TBCK: variants seen among roughly 807,000 people sequenced by gnomAD.
The protein encoded by TBCK is TBC1 domain containing kinase, also known as TBC domain-containing protein kinase-like protein.
TBCK carries 99 observed loss-of-function variants against 113.4 expected under a neutral mutation model. That is an observed-to-expected ratio of 0.87 (90% CI 0.74 to 1.03). TBCK has a LOEUF of 1.03. Among genes scored for constraint, TBCK ranks in the 50% least tolerant of loss-of-function variants. The pLI, the probability that TBCK is intolerant of heterozygous loss-of-function variation, is 0.00. For synonymous variants in TBCK, 369 were observed against 370.8 expected (o/e 1.00, Z 0.05); for missense variants, 1,045 against 1,061.3 (o/e 0.98, Z 0.21).
chr4:106,059,378 T>C (rs77934361), intron 25 of TBCK, among the ~76,000 whole-genome samples: 30,857 of 151,698 alleles, frequency 0.2, 3,462 homozygotes, highest in South Asian at 0.26. Context: ...ATTTTTACAA[T>C]AGCATGTGCT....
intron 3 of TBCK, among the ~76,000 whole-genome samples, chr4:106,293,655 A>T (rs1425302189): frequency 6.6e-6 from 1 of 152,140 alleles, no homozygotes; most frequent in African/African-American, 2.4e-5. Context: ...CCAAAACCAA[A>T]TCATTTAAAG....
At chr4:106,111,270 T>C (rs564538796) in intron 24 of TBCK, among the ~76,000 whole-genome samples, 1 of 152,302 alleles carries the variant, frequency 6.6e-6, no homozygotes, top group South Asian at 2.1e-4. Flanking sequence ...TCCCCAAAAG[T>C]CTGGTAAATG....
At chr4:106,079,245 TCTC>T (rs1337527500) in intron 25 of TBCK, among the ~76,000 whole-genome samples, 1 of 152,110 alleles carries the variant, frequency 6.6e-6, no homozygotes, top group Non-Finnish European at 1.5e-5. Flanking sequence ...CTGGACACAT[TCTC>T]CTTGAAAACT....
chr4:106,240,806 T>C (rs942769982), intron 12 of TBCK, among the ~76,000 whole-genome samples: 3 of 152,026 alleles, frequency 2.0e-5, no homozygotes, highest in Non-Finnish European at 1.5e-5. Flanking sequence ...AAAAATATGA[T>C]GGATTGATGA....
intron 23 of TBCK, among the ~76,000 whole-genome samples, chr4:106,125,532 G>T (rs541634808): frequency 4.6e-5 from 7 of 151,992 alleles, no homozygotes; most frequent in Non-Finnish European, 1.0e-4. Context: ...TAAAATAAAA[G>T]AATGAAATCC....
intron 1 of TBCK, among the ~76,000 whole-genome samples, chr4:106,311,035 AT>A (rs1201125571): frequency 6.6e-6 from 1 of 152,150 alleles, no homozygotes; most frequent in Non-Finnish European, 1.5e-5. Flanking sequence ...ACCACAAAAA[AT>A]TTTTATCTAC....
Position 106,043,736 on chromosome 4 carries a change from A to AGTGTGT in TBCK, c.*2828_*2833dup, listed in dbSNP as rs56842619. ...GTTAATAAGTGTGTTTATGAATGTG[A>AGTGTGT]GTGTGTGTGTGTGTGTGTGTGTATG... On this transcript the variant is annotated 3_prime_UTR_variant, in exon 26 of 26. Transcript: ENST00000394708. 0.063 allele frequency: 9,373 copies of AGTGTGT among 149,104 alleles called. 325 individuals are homozygous for AGTGTGT. The highest frequency in any genetic ancestry group is 0.16 in the Middle Eastern group (45 of 288). The allele number at this position is 149,104 out of a possible 1,614,324, so 9.2% of individuals were successfully genotyped here. A position where few individuals can be genotyped will look rare whatever the true frequency, so the allele number is the denominator to read the frequency against.
At chr4:106,188,043 T>C (rs969883917) in intron 22 of TBCK, among the ~76,000 whole-genome samples, 2 of 152,164 alleles carry the variant, frequency 1.3e-5, no homozygotes, top group Non-Finnish European at 2.9e-5. Flanking sequence ...CTTTAATTTC[T>C]TTATCTTGCC....
At chr4:106,223,109 T>C (rs777642928) in intron 19 of TBCK, among the ~76,000 whole-genome samples, 3 of 152,116 alleles carry the variant, frequency 2.0e-5, no homozygotes, top group Non-Finnish European at 4.4e-5. Flanking sequence ...AGACTGTATA[T>C]ACTACAATCT....
At chr4:106,313,829 G>A (rs1768451380) in intron 1 of TBCK, among the ~76,000 whole-genome samples, 1 of 152,172 alleles carries the variant, frequency 6.6e-6, no homozygotes, top group Admixed American at 6.5e-5. Context: ...AAGCAGAAAG[G>A]CAATTAAGAA....
chr4:106,275,322 C>A (rs774831342), intron 3 of TBCK, among the ~76,000 whole-genome samples: 11 of 151,898 alleles, frequency 7.2e-5, no homozygotes, highest in African/African-American at 2.7e-4. Flanking sequence ...CAGCTAAGAC[C>A]GTATATAATG....
At chr4:106,208,908 G>A (rs544406141) in intron 20 of TBCK, among the ~76,000 whole-genome samples, 24 of 152,200 alleles carry the variant, frequency 1.6e-4, no homozygotes, top group South Asian at 2.1e-4. Context: ...TCCAGACGCC[G>A]GCTCCCAAGG....
chr4:106,051,891 G>A (rs1193546315), intron 25 of TBCK, among the ~76,000 whole-genome samples: 1 of 151,854 alleles, frequency 6.6e-6, no homozygotes, highest in East Asian at 1.9e-4. Context: ...TGCTCTCAAT[G>A]AGAAACATAA....
chr4:106,089,627 A>G (rs571314051), intron 25 of TBCK, among the ~76,000 whole-genome samples: 1 of 152,324 alleles, frequency 6.6e-6, no homozygotes, highest in East Asian at 1.9e-4. Context: ...AAAACAAGTT[A>G]TTTACTGCCA....
chr4:106,054,394 C>T (rs185396734), intron 25 of TBCK, among the ~76,000 whole-genome samples: 37 of 151,658 alleles, frequency 2.4e-4, no homozygotes, highest in African/African-American at 8.9e-4. Flanking sequence ...TGATATAACA[C>T]CCTTTGTTCC....
At chr4:106,193,901 A>G (rs573351144) in intron 21 of TBCK, 131 bp from the exon 22 acceptor site, 3 of 572,028 alleles carry the variant, frequency 5.2e-6, no homozygotes, top group Non-Finnish European at 5.8e-6. Flanking sequence ...ATACTACCAA[A>G]CTCTTTTTAT....
At position 106,314,888 on chromosome 4, in the gene TBCK, G is replaced by A. The variant is rs144730628; in HGVS notation, c.-30+1043C>T. Among the ~76,000 whole-genome samples, 758 of 152,056 alleles carry A rather than the reference G, an allele frequency of 5.0e-3. 4 individuals are homozygous for A. Among genetic ancestry groups the A allele is most frequent in the African/African-American group, 0.018 (729 of 41,468 alleles). On this transcript the variant is annotated intron_variant, in intron 1 of 25. Transcript: ENST00000394708. ...GATCCACCCGCCTCGACCTCCCAAAGTGCTAGGACTACAGGCGTGAGCCAC... is the reference window on the plus strand; with the variant it reads ...GATCCACCCGCCTCGACCTCCCAAAATGCTAGGACTACAGGCGTGAGCCAC...
At chr4:106,207,382 T>C (rs1755643629) in intron 20 of TBCK, among the ~76,000 whole-genome samples, 1 of 152,172 alleles carries the variant, frequency 6.6e-6, no homozygotes, top group Non-Finnish European at 1.5e-5. Flanking sequence ...AGTTCTTGAG[T>C]AGGAAACTCG....
chr4:106,171,115 C>G lies in TBCK; in HGVS notation c.2215G>C (p.Asp739His). The change falls in exon 23 of 26, where the codon GAT becomes CAT. Residue 739 changes from aspartate (D) to histidine (H), a missense_variant. Transcript: ENST00000394708. ...SAPYFSAECP[D>H]PPKTDLSRES... ...CATACCAGATCTGTCTTTGGAGGAT[C>G]TGGACACTCAGCAGAGAAATAAGGT... The G allele has an allele frequency of 6.2e-7, 1 of 1,609,822 alleles. No individual in the cohort carries two copies.
Sources: gnomAD v4.1 joint callset for allele counts (sites outside exome capture counted in the v4.1 genomes callset) on GRCh38, gnomAD v4.1.1 for gene constraint, MANE v1.5 for transcripts, NCBI Gene and HGNC (gene_info 2026-07-23, HGNC 2026-07-21) for gene names.